Variants in PTPRR observed in about 807,000 individuals in gnomAD.
PTPRR encodes the protein protein tyrosine phosphatase receptor type R.
A neutral mutation model predicts 77.2 loss-of-function variants in PTPRR; 38 were observed. The observed-to-expected ratio is 0.49, with a 90% CI of 0.38 to 0.65. The LOEUF (loss-of-function observed/expected upper bound fraction) is 0.65, where lower values mean the gene tolerates loss of function less well. Ranked by LOEUF, PTPRR falls within the 30% of genes least tolerant of loss-of-function variation. PTPRR has a pLI of 0.00. For missense variants in PTPRR, 744 were observed against 799.2 expected, an observed-to-expected ratio of 0.93 and a Z score of 0.83; for synonymous variants, 299 against 283.1, an observed-to-expected ratio of 1.06 and a Z score of -0.57.
chr12:70,695,727 A>C (rs139033486), intron 8 of PTPRR, among the ~76,000 whole-genome samples: 1 of 152,158 alleles, frequency 6.6e-6, no homozygotes, highest in African/African-American at 2.4e-5. Flanking sequence ...TATATTTTAG[A>C]TAAAAATTTA....
chr12:70,791,403 C>T (rs1891419590), intron 2 of PTPRR, among the ~76,000 whole-genome samples: 1 of 152,208 alleles, frequency 6.6e-6, no homozygotes, highest in African/African-American at 2.4e-5. Context: ...TCTACTGAAA[C>T]ATTACCTTTT....
intron 2 of PTPRR, among the ~76,000 whole-genome samples, chr12:70,865,672 G>C (rs1255609982): frequency 6.6e-6 from 1 of 152,146 alleles, no homozygotes; most frequent in East Asian, 1.9e-4. Flanking sequence ...TATATATGAA[G>C]TTACAGTCCC....
chr12:70,764,664 C>A lies in PTPRR; in HGVS notation c.471+1G>T, dbSNP rs1277898963. The stretch of plus-strand genomic sequence containing the variant: ...GGAAATGCGAAATGTGGGTATCTTA[C>A]AATGAGGCGATTGATGTGCACTTGC... On this transcript the variant is annotated splice_donor_variant, in intron 3 of 13. Coordinates refer to ENST00000283228, the MANE Select transcript of PTPRR (RefSeq NM_002849.4). LOFTEE classifies it high-confidence loss of function. 5 of 1,608,658 alleles carry A rather than the reference C, an allele frequency of 3.1e-6. No individual in the cohort carries two copies. Among genetic ancestry groups the A allele is most frequent in the Non-Finnish European group, 4.3e-6 (5 of 1,175,154 alleles).
rs376838590 is a variant in PTPRR at position 70,804,966 on chromosome 12, C to A, written c.358-40188G>T. 3.8e-4 allele frequency among the ~76,000 whole-genome samples: 58 copies of A among 152,224 alleles called. 3 individuals are homozygous for A. In the South Asian group the frequency reaches 0.012, roughly 31 times the overall value. On this transcript the variant is annotated intron_variant, in intron 2 of 13. Transcript: ENST00000283228. ...TGTCCATATATTCACTAAAAGATAG[C>A]AAATAATATTTTATGTATCTCTCCC...
chr12:70,897,467 A>G (rs938424305), intron 1 of PTPRR, among the ~76,000 whole-genome samples: 7 of 151,862 alleles, frequency 4.6e-5, no homozygotes, highest in African/African-American at 1.7e-4. Flanking sequence ...ACCATCTCAC[A>G]CCAGTTAGAA....
Position 70,698,671 on chromosome 12 carries a change from A to AT in PTPRR, c.1195-323dup, listed in dbSNP as rs923424191. ...AGATTAGACAGATGCTAAAAAGTGAATTTTTTTAAAAAACAATGTATTCAA... is the reference window on the plus strand; with the variant it reads ...AGATTAGACAGATGCTAAAAAGTGAATTTTTTTTAAAAAACAATGTATTCAA... On this transcript the variant is annotated intron_variant, in intron 7 of 13. Coordinates refer to ENST00000283228, the MANE Select transcript of PTPRR (RefSeq NM_002849.4). 3.3e-5 allele frequency among the ~76,000 whole-genome samples: 5 copies of AT among 152,316 alleles called. No individual in the cohort carries two copies. In the East Asian group the frequency reaches 5.8e-4, roughly 18 times the overall value.
intron 2 of PTPRR, among the ~76,000 whole-genome samples, chr12:70,858,293 T>C (rs559983505): frequency 2.6e-5 from 4 of 152,258 alleles, no homozygotes; most frequent in East Asian, 1.9e-4. Flanking sequence ...AAGAATTTCC[T>C]CCAATAAATC....
At position 70,899,122 on chromosome 12, in the gene PTPRR, T is replaced by C. The variant is rs563658457; in HGVS notation, c.59-6145A>G. ...AAATCTTCAGGACCAAATGGCATAA[T>C]TGAAAATGTCTACCAAACACTTAAA... On this transcript the variant is annotated intron_variant, in intron 1 of 13. Coordinates refer to ENST00000283228, the MANE Select transcript of PTPRR (RefSeq NM_002849.4). Among the ~76,000 whole-genome samples the C allele has an allele frequency of 1.6e-3, 240 of 151,562 alleles. 2 individuals are homozygous for C. Among genetic ancestry groups the C allele is most frequent in the Non-Finnish European group, 8.4e-4 (57 of 67,626 alleles).
chr12:70,908,682 G>A (rs567927029), intron 1 of PTPRR, among the ~76,000 whole-genome samples: 2 of 152,322 alleles, frequency 1.3e-5, no homozygotes, highest in South Asian at 2.1e-4. Context: ...AATGGGGAAA[G>A]AGGTCTGTAG....
At chr12:70,859,709 T>C (rs865937903) in intron 2 of PTPRR, among the ~76,000 whole-genome samples, 2 of 151,998 alleles carry the variant, frequency 1.3e-5, no homozygotes, top group African/African-American at 2.4e-5. Flanking sequence ...GCAACAAATA[T>C]ATCAGCTGAG....
intron 2 of PTPRR, among the ~76,000 whole-genome samples, chr12:70,822,347 T>C (rs1892030300): frequency 6.6e-6 from 1 of 152,210 alleles, no homozygotes; most frequent in African/African-American, 2.4e-5. Context: ...GAGCTACGTT[T>C]TTCTGCATTT....
chr12:70,754,758 T>TTAATAAATA, intron 4 of PTPRR: 1 of 1,545,384 alleles, frequency 6.5e-7, no homozygotes, highest in South Asian at 1.2e-5. Context: ...TTGTGGTGCA[T>TTAATAAATA]TAATAAATAC....
At chr12:70,782,426 C>T (rs370731360) in intron 2 of PTPRR, among the ~76,000 whole-genome samples, 8 of 152,092 alleles carry the variant, frequency 5.3e-5, no homozygotes, top group African/African-American at 1.9e-4. Context: ...ATAGCAAAGA[C>T]TTGGAACCAA....
intron 2 of PTPRR, among the ~76,000 whole-genome samples, chr12:70,835,027 C>A (rs144103344): frequency 7.5e-4 from 114 of 152,194 alleles, no homozygotes; most frequent in African/African-American, 2.5e-3. Flanking sequence ...GACATTTAAC[C>A]TCTCCCAAGT....
At chr12:70,668,701 A>G (rs1405972783) in intron 10 of PTPRR, among the ~76,000 whole-genome samples, 1 of 152,202 alleles carries the variant, frequency 6.6e-6, no homozygotes. Context: ...TCTATTGAGT[A>G]GCCAATCTTT....
intron 2 of PTPRR, among the ~76,000 whole-genome samples, chr12:70,814,845 T>G (rs1412856394): frequency 6.6e-6 from 1 of 152,124 alleles, no homozygotes; most frequent in Non-Finnish European, 1.5e-5. Flanking sequence ...GGAAACATAA[T>G]TAAAAATTTT....
intron 12 of PTPRR, 36 bp downstream of exon 12, chr12:70,660,904 C>T (rs1368776258): frequency 1.3e-6 from 2 of 1,571,026 alleles, no homozygotes; most frequent in Non-Finnish European, 1.7e-6. Flanking sequence ...AAAGAATGGG[C>T]CATTGCTTAG....
At chr12:70,642,415 C>A (rs1169950420) in intron 13 of PTPRR, among the ~76,000 whole-genome samples, 3 of 152,176 alleles carry the variant, frequency 2.0e-5, no homozygotes, top group African/African-American at 7.2e-5. Flanking sequence ...TTCCATTTCT[C>A]ACTCCCAGCG....
intron 6 of PTPRR, among the ~76,000 whole-genome samples, chr12:70,719,775 G>A (rs7979177): frequency 0.065 from 9,838 of 152,290 alleles, 442 homozygotes; most frequent in Non-Finnish European, 0.095. Flanking sequence ...GCCATTAACA[G>A]ACCTCTGCGA....
Sources: allele counts gnomAD v4.1 joint callset (sites outside exome capture counted in the v4.1 genomes callset), GRCh38; gene constraint gnomAD v4.1.1; transcripts MANE v1.5; gene names NCBI Gene and HGNC (gene_info 2026-07-23, HGNC 2026-07-21).